LARGE1: variants seen among roughly 807,000 people sequenced by gnomAD.
The protein encoded by LARGE1 is xylosyl- and glucuronyltransferase LARGE1.
LARGE1 carries 43 observed loss-of-function variants against 87.6 expected under a neutral mutation model. The observed-to-expected ratio is 0.49, with a 90% CI of 0.38 to 0.63. The LOEUF (loss-of-function observed/expected upper bound fraction) is 0.63, where lower values mean the gene tolerates loss of function less well. LARGE1 is among the 30% of genes least tolerant of loss of function. The pLI, the probability that LARGE1 is intolerant of heterozygous loss-of-function variation, is 0.00. For missense variants in LARGE1, 802 were observed against 1,000.2 expected (o/e 0.80, Z 2.67); for synonymous variants, 434 against 394.6 (o/e 1.10, Z -1.18).
intron 1 of LARGE1, among the ~76,000 whole-genome samples, chr22:33,796,603 A>T (rs2085992245): frequency 6.6e-6 from 1 of 152,128 alleles, no homozygotes; most frequent in Non-Finnish European, 1.5e-5. Flanking sequence ...TTTCCAAGTA[A>T]AATTATCCCA....
chr22:33,874,618 C>A (rs1395922001), intron 1 of LARGE1, among the ~76,000 whole-genome samples: 1 of 152,150 alleles, frequency 6.6e-6, no homozygotes, highest in Non-Finnish European at 1.5e-5. Flanking sequence ...AAATCTTGGG[C>A]AAGACACTAT....
At chr22:33,083,958 A>G in the LARGE1 span, among the ~76,000 whole-genome samples, 1 of 152,150 alleles carries the variant, frequency 6.6e-6, no homozygotes. Context: ...CAGGCCCCTC[A>G]TGATCTAATT....
intron 7 of LARGE1, among the ~76,000 whole-genome samples, chr22:33,413,607 G>C (rs1393682249): frequency 3.9e-5 from 6 of 152,064 alleles, no homozygotes; most frequent in African/African-American, 1.2e-4. Context: ...CGGGACTACA[G>C]GTGTGTGCCA....
chr22:33,917,186 T>C (rs2065812147), intron 1 of LARGE1, among the ~76,000 whole-genome samples: 1 of 152,210 alleles, frequency 6.6e-6, no homozygotes, highest in Admixed American at 6.5e-5. Flanking sequence ...CTTGGTGATA[T>C]CTGCCTGTTT....
chr22:33,396,994 C>A (rs1006676008), intron 7 of LARGE1, among the ~76,000 whole-genome samples: 1 of 152,118 alleles, frequency 6.6e-6, no homozygotes, highest in African/African-American at 2.4e-5. Flanking sequence ...CATAACTGTA[C>A]AGCTTGATGA....
At chr22:33,329,540 AG>A (rs1271349418) in intron 10 of LARGE1, among the ~76,000 whole-genome samples, 1 of 152,188 alleles carries the variant, frequency 6.6e-6, no homozygotes, top group East Asian at 1.9e-4. Flanking sequence ...GCTGTCAGAA[AG>A]GAATCCACAG....
intron 2 of LARGE1, among the ~76,000 whole-genome samples, chr22:33,714,382 G>A (rs143226464): frequency 1.3e-5 from 2 of 152,170 alleles, no homozygotes; most frequent in African/African-American, 2.4e-5. Flanking sequence ...CCATGGAGAC[G>A]TTCCTTACCC....
In LARGE1 at chr22:33,740,298, T is replaced by C. The variant is rs188138498; in HGVS notation, c.106+21073A>G. Reference sequence around the variant, plus strand: ...TTTTCTGGATTCCTGAACACCGGCATACATACTTCTATTATAGCAAGTATG... The same window carrying C: ...TTTTCTGGATTCCTGAACACCGGCACACATACTTCTATTATAGCAAGTATG... On this transcript the variant is annotated intron_variant, in intron 2 of 14. Transcript: ENST00000397394. 7.9e-5 allele frequency among the ~76,000 whole-genome samples: 12 copies of C among 152,338 alleles called. No individual in the cohort carries two copies. In the East Asian group the frequency reaches 2.3e-3, roughly 29 times the overall value.
intron 3 of LARGE1, among the ~76,000 whole-genome samples, chr22:33,643,887 C>T (rs1483773773): frequency 6.6e-6 from 1 of 152,110 alleles, no homozygotes; most frequent in African/African-American, 2.4e-5. Flanking sequence ...CTGAATAGAC[C>T]AATAACAAGT....
At chr22:33,841,535 C>G (rs181136281) in intron 1 of LARGE1, among the ~76,000 whole-genome samples, 2 of 152,324 alleles carry the variant, frequency 1.3e-5, no homozygotes, top group Non-Finnish European at 2.9e-5. Flanking sequence ...GCTCCAACCT[C>G]TGAGTTCAAG....
chr22:33,860,582 AC>A (rs2063887509), intron 1 of LARGE1, among the ~76,000 whole-genome samples: 3 of 152,210 alleles, frequency 2.0e-5, no homozygotes, highest in African/African-American at 7.2e-5. Context: ...GAGGAAAGCG[AC>A]CCAGCCTCTC....
At chr22:33,437,542 T>G (rs375084161) in intron 6 of LARGE1, among the ~76,000 whole-genome samples, 1 of 152,182 alleles carries the variant, frequency 6.6e-6, no homozygotes, top group Non-Finnish European at 1.5e-5. Context: ...ACATTACCAC[T>G]AAAAGCGTCG....
intron 11 of LARGE1, among the ~76,000 whole-genome samples, chr22:33,265,190 C>A (rs1927865616): frequency 6.6e-6 from 1 of 152,114 alleles, no homozygotes; most frequent in Non-Finnish European, 1.5e-5. Context: ...CAGGCGTAAA[C>A]CACCATGTCT....
intron 1 of LARGE1, among the ~76,000 whole-genome samples, chr22:33,882,416 T>C (rs2064723383): frequency 6.6e-6 from 1 of 152,058 alleles, no homozygotes; most frequent in African/African-American, 2.4e-5. Flanking sequence ...GCAGACTATA[T>C]CCAAATCATA....
At chr22:33,730,888 T>C (rs961935657) in intron 2 of LARGE1, among the ~76,000 whole-genome samples, 24 of 152,018 alleles carry the variant, frequency 1.6e-4, no homozygotes, top group Non-Finnish European at 3.1e-4. Flanking sequence ...AGAGACAGGA[T>C]TTCACCATGT....
chr22:33,697,572 G>GAAAAAAAAAAAAAAAAA, intron 2 of LARGE1, among the ~76,000 whole-genome samples: 1 of 30,892 alleles, frequency 3.2e-5, no homozygotes. Flanking sequence ...AAAAAAAAAG[G>GAAAAAAAAAAAAAAAAA]AAATACATCT....
In LARGE1 at chr22:33,642,190, G is replaced by T. The variant is rs2080455112; in HGVS notation, c.408+8177C>A. Among the ~76,000 whole-genome samples the T allele has an allele frequency of 2.6e-5, 4 of 152,296 alleles. No homozygotes were observed. In the South Asian group the frequency reaches 6.2e-4, roughly 24 times the overall value. The stretch of plus-strand genomic sequence containing the variant: ...CACACTAACAGCAGATCAATATGCT[G>T]AAACCCTACAAGCCAGAATAGAATA... On this transcript the variant is annotated intron_variant, in intron 3 of 14. Coordinates refer to ENST00000397394, the MANE Select transcript of LARGE1 (RefSeq NM_133642.5).
At chr22:33,133,639 TA>T in the LARGE1 span, among the ~76,000 whole-genome samples, 3 of 152,222 alleles carry the variant, frequency 2.0e-5, no homozygotes, top group African/African-American at 7.2e-5. Context: ...GCAATAAACA[TA>T]TGTGTGCATG....
At chr22:33,081,093 G>C in the LARGE1 span, among the ~76,000 whole-genome samples, 1 of 152,136 alleles carries the variant, frequency 6.6e-6, no homozygotes, top group Non-Finnish European at 1.5e-5. Context: ...TGTGGACATA[G>C]GGCCTTTTGA....
Sources: allele counts gnomAD v4.1 joint callset (sites outside exome capture counted in the v4.1 genomes callset), GRCh38; gene constraint gnomAD v4.1.1; transcripts MANE v1.5; gene names NCBI Gene and HGNC (gene_info 2026-07-23, HGNC 2026-07-21).